The following MYCBPAP variants were observed in gnomAD, a reference collection of about 807,000 sequenced individuals.
MYCBPAP encodes the protein MYCBP associated protein.
Under a neutral mutation model 106.1 loss-of-function variants are expected in MYCBPAP, and 60 were observed. The observed-to-expected ratio is 0.57, with a 90% CI of 0.46 to 0.70. The LOEUF is 0.70. MYCBPAP is among the 30% of genes least tolerant of loss of function. The pLI is 0.00. For missense variants in MYCBPAP, 1,064 were observed against 1,169.3 expected, an observed-to-expected ratio of 0.91 and a Z score of 1.31; for synonymous variants, 407 against 440.6, an observed-to-expected ratio of 0.92 and a Z score of 0.95.
intron 16 of MYCBPAP, 107 bp from the exon 17 acceptor site, chr17:50,528,588 G>A: frequency 6.9e-7 from 1 of 1,439,216 alleles, no homozygotes. Context: ...AGGGCTCAAG[G>A]CTATTGCCCT....
intron 4 of MYCBPAP, among the ~76,000 whole-genome samples, chr17:50,518,172 C>T (rs989371123): frequency 2.0e-5 from 3 of 152,232 alleles, no homozygotes; most frequent in African/African-American, 4.8e-5. Context: ...GTCTCTTCCC[C>T]TTGCTTCCCT....
chr17:50,519,899 C>T, intron 7 of MYCBPAP, 112 bp downstream of exon 7: 4 of 1,182,932 alleles, frequency 3.4e-6, no homozygotes, highest in South Asian at 1.5e-5. Context: ...GCCTGTTTCT[C>T]TGTGGTTCTC....
intron 1 of MYCBPAP, among the ~76,000 whole-genome samples, chr17:50,514,356 G>A (rs1471906046): frequency 6.6e-6 from 1 of 152,160 alleles, no homozygotes; most frequent in African/African-American, 2.4e-5. Flanking sequence ...AAGAAGCAGT[G>A]GATAAAACCA....
chr17:50,525,191 C>T, intron 13 of MYCBPAP, 168 bp downstream of exon 13: 1 of 747,746 alleles, frequency 1.3e-6, no homozygotes, highest in South Asian at 1.8e-5. Flanking sequence ...GAGCACGAAT[C>T]CCATTGTGAA....
chr17:50,523,497 C>T (rs1033069272), intron 11 of MYCBPAP, 100 bp from the exon 12 acceptor site: 4 of 1,272,246 alleles, frequency 3.1e-6, no homozygotes, highest in Non-Finnish European at 4.5e-6. Flanking sequence ...GTTGGCCAGC[C>T]ACCTGGCCTG....
chr17:50,512,208 C>A (rs1301445009), intron 1 of MYCBPAP, among the ~76,000 whole-genome samples: 1 of 152,132 alleles, frequency 6.6e-6, no homozygotes, highest in Non-Finnish European at 1.5e-5. Flanking sequence ...TGCCCGCCAC[C>A]ACGCCTGGCT....
At chr17:50,509,227 G>T (rs879233664) in intron 1 of MYCBPAP, 11 of 689,728 alleles carry the variant, frequency 1.6e-5, no homozygotes, top group Non-Finnish European at 2.9e-5. Context: ...CGTCACTTAG[G>T]ATTCCTGCTG....
At chr17:50,528,615 C>T in intron 16 of MYCBPAP, 80 bp from the exon 17 acceptor site, 2 of 1,550,728 alleles carry the variant, frequency 1.3e-6, no homozygotes, top group Non-Finnish European at 1.7e-6. Context: ...TTCCACCTCC[C>T]CTCAAGCCTC....
chr17:50,513,801 T>A (rs1308738669), intron 1 of MYCBPAP, among the ~76,000 whole-genome samples: 1 of 152,202 alleles, frequency 6.6e-6, no homozygotes, highest in African/African-American at 2.4e-5. Context: ...CTGATCTCAG[T>A]TCTCATAGGC....
chr17:50,513,565 CT>C (rs1368813496), intron 1 of MYCBPAP, among the ~76,000 whole-genome samples: 1 of 152,142 alleles, frequency 6.6e-6, no homozygotes, highest in Non-Finnish European at 1.5e-5. Flanking sequence ...GAAAGATTAG[CT>C]TCTCTATCAC....
intron 1 of MYCBPAP, among the ~76,000 whole-genome samples, chr17:50,515,212 C>T (rs540161559): frequency 3.2e-4 from 49 of 152,124 alleles, no homozygotes; most frequent in Non-Finnish European, 6.3e-4. Flanking sequence ...CCCTGACTCC[C>T]CCACCTCCCA....
At chr17:50,521,863 A>T in intron 9 of MYCBPAP, 110 bp from the exon 10 acceptor site, 1 of 901,808 alleles carries the variant, frequency 1.1e-6, no homozygotes. Flanking sequence ...ACTCCATTGC[A>T]GGGTAGAGCT....
rs1055957958 is a variant in MYCBPAP at position 50,523,700 on chromosome 17, A to G, written c.1551A>G (p.Leu517=). Residue 517 remains leucine, a synonymous_variant, in exon 12 of 19, where the codon CTA becomes CTG. Coordinates refer to ENST00000323776, the MANE Select transcript of MYCBPAP (RefSeq NM_032133.6). ...GGGAGTTTCGAACCCATCCTACTCT[A>G]TTAGGAGGTGCTATACTGCAGGTCA... ...EFWEFRTHPT[L]LGGAILQVNL... 1.9e-5 allele frequency: 31 copies of G among 1,613,948 alleles called. No homozygotes were observed. The highest frequency in any genetic ancestry group is 5.3e-5 in the African/African-American group (4 of 74,870).
intron 6 of MYCBPAP, 99 bp downstream of exon 6, chr17:50,519,188 C>G: frequency 1.2e-6 from 1 of 826,348 alleles, no homozygotes. Context: ...TCAGGTGGCA[C>G]AGCTGGGGAG....
At position 50,517,256 on chromosome 17, in the gene MYCBPAP, C is replaced by A. The variant is rs747382048; in HGVS notation, c.205-37C>A. On this transcript the variant is annotated intron_variant, in intron 2 of 18. Coordinates refer to ENST00000323776, the MANE Select transcript of MYCBPAP (RefSeq NM_032133.6). Reference sequence around the variant, plus strand: ...TGGGTGGTGCTCTTCCTCCTGCCACCACAGGTGGAATTCTCCTTTGTTTTA... The same window carrying A: ...TGGGTGGTGCTCTTCCTCCTGCCACAACAGGTGGAATTCTCCTTTGTTTTA... 3.8e-6 allele frequency: 6 copies of A among 1,596,764 alleles called. No homozygotes were observed. The Admixed American group carries it at 1.0e-4, about 27-fold the overall frequency.
intron 12 of MYCBPAP, 63 bp downstream of exon 12, chr17:50,523,847 G>C: frequency 6.7e-7 from 1 of 1,488,674 alleles, no homozygotes; most frequent in African/African-American, 1.4e-5. Flanking sequence ...GTTCTTCCTG[G>C]CAGTGACTGA....
chr17:50,528,151 C>G lies in MYCBPAP; in HGVS notation c.2292-4C>G. 1 of 1,613,390 alleles carries G rather than the reference C, an allele frequency of 6.2e-7. No individual in the cohort carries two copies. The highest frequency in any genetic ancestry group is 1.1e-5 in the South Asian group (1 of 90,958). ...GCATTTCTCCACTGTGTCTTGCCCT[C>G]TAGTTTGCAGCTGTGGCGAGATGTG... On this transcript the variant is annotated splice_region_variant and splice_polypyrimidine_tract_variant and intron_variant, in intron 15 of 18. Coordinates refer to ENST00000323776, the MANE Select transcript of MYCBPAP (RefSeq NM_032133.6).
chr17:50,521,889 C>A, intron 9 of MYCBPAP, 84 bp from the exon 10 acceptor site: 1 of 1,291,676 alleles, frequency 7.7e-7, no homozygotes, highest in Non-Finnish European at 1.1e-6. Flanking sequence ...TGTTTCTAGG[C>A]TTCCTGGTGA....
Position 50,523,935 on chromosome 17 carries a change from T to C in MYCBPAP, c.1635+151T>C, listed in dbSNP as rs866558504. Reference sequence around the variant, plus strand: ...GTAACTACTCTTGCTCCACAAACACTTCCCAGGGCTTGTGATTTAAAAGAT... The same window carrying C: ...GTAACTACTCTTGCTCCACAAACACCTCCCAGGGCTTGTGATTTAAAAGAT... On this transcript the variant is annotated intron_variant, in intron 12 of 18. Coordinates refer to ENST00000323776, the MANE Select transcript of MYCBPAP (RefSeq NM_032133.6). The C allele has an allele frequency of 4.5e-5, 36 of 801,476 alleles. No individual in the cohort carries two copies. In the African/African-American group the frequency reaches 5.6e-4, roughly 12 times the overall value. 49.6% of individuals were successfully genotyped at this position (801,476 alleles called of 1,614,324 possible).
Sources: allele counts gnomAD v4.1 joint callset (sites outside exome capture counted in the v4.1 genomes callset), GRCh38; gene constraint gnomAD v4.1.1; transcripts MANE v1.5; gene names NCBI Gene and HGNC (gene_info 2026-07-23, HGNC 2026-07-21).